Variants in ANK3 observed in about 807,000 individuals in gnomAD.
ANK3 encodes the protein ankyrin-3.
In ANK3, 57 loss-of-function variants were observed where a neutral mutation model predicts 370.9. That is an observed-to-expected ratio of 0.15 (90% CI 0.12 to 0.19). The LOEUF (loss-of-function observed/expected upper bound fraction) is 0.19. Among genes scored for constraint, ANK3 ranks in the 10% least tolerant of loss-of-function variants. The pLI, the probability that ANK3 is intolerant of heterozygous loss-of-function variation, is 1.00. For synonymous variants in ANK3, 1,929 were observed against 1,946.3 expected (o/e 0.99, Z 0.23); for missense variants, 4,439 against 5,302.1 (o/e 0.84, Z 5.06).
At chr10:60,288,091 A>T (rs1244724040) in intron 1 of ANK3, among the ~76,000 whole-genome samples, 1 of 152,102 alleles carries the variant, frequency 6.6e-6, no homozygotes, top group Non-Finnish European at 1.5e-5. Context: ...TTATTCCTCA[A>T]CTGCCCCCTA....
chr10:60,180,604 A>AAG (rs1441242858), intron 18 of ANK3, among the ~76,000 whole-genome samples: 1 of 131,676 alleles, frequency 7.6e-6, no homozygotes, highest in Non-Finnish European at 1.6e-5. Context: ...CAAAAAAAAA[A>AAG]AAAAAAAAAC....
At chr10:60,639,741 A>C (rs528375401) in intron 1 of ANK3, among the ~76,000 whole-genome samples, 3 of 152,066 alleles carry the variant, frequency 2.0e-5, no homozygotes, top group South Asian at 4.1e-4. Context: ...TAAGCTAATA[A>C]ATGAGATAAA....
At chr10:60,033,479 C>A (rs754084238) in intron 43 of ANK3, among the ~76,000 whole-genome samples, 1 of 137,402 alleles carries the variant, frequency 7.3e-6, no homozygotes, top group Non-Finnish European at 1.5e-5. Flanking sequence ...CGGGCCATCA[C>A]ACTCCAGCCT....
chr10:60,337,698 A>T (rs2053332356), intron 1 of ANK3, among the ~76,000 whole-genome samples: 1 of 152,176 alleles, frequency 6.6e-6, no homozygotes, highest in Non-Finnish European at 1.5e-5. Context: ...CTATCCATTA[A>T]GCCCCCTAAT....
At chr10:60,057,480 A>AAAAG (rs1291167491) in intron 41 of ANK3, among the ~76,000 whole-genome samples, 1 of 152,186 alleles carries the variant, frequency 6.6e-6, no homozygotes, top group Non-Finnish European at 1.5e-5. Context: ...ACTTATTTTT[A>AAAAG]AAAGACATCC....
At chr10:60,243,504 C>T (rs2097504688) in intron 7 of ANK3, among the ~76,000 whole-genome samples, 2 of 152,146 alleles carry the variant, frequency 1.3e-5, no homozygotes, top group African/African-American at 4.8e-5. Context: ...AGCCCCTCAA[C>T]CTTGGACTTC....
At chr10:60,576,688 C>A (rs549406209) in intron 2 of ANK3, among the ~76,000 whole-genome samples, 7 of 152,330 alleles carry the variant, frequency 4.6e-5, no homozygotes, top group African/African-American at 1.7e-4. Flanking sequence ...ACAGCATTCC[C>A]TTGATACCAT....
At chr10:60,704,235 T>C (rs994839651) in intron 1 of ANK3, among the ~76,000 whole-genome samples, 1 of 152,246 alleles carries the variant, frequency 6.6e-6, no homozygotes, top group African/African-American at 2.4e-5. Flanking sequence ...GCCTCCAAGA[T>C]GTTTTAAAGT....
In ANK3 at chr10:60,071,488, G is replaced by C. The variant is rs780210988; in HGVS notation, c.9393C>G (p.Thr3131=). Residue 3131 remains threonine, a synonymous_variant, in exon 37 of 44, where the codon ACC becomes ACG. Transcript: ENST00000280772. ...ECKTVQETRG[T]FYTTRQQKQP... ...GCTTTTGCTGTCTAGTTGTATAAAA[G>C]GTCCCCCTGGTTTCTTGTACTGTCT... 1.2e-6 allele frequency: 2 copies of C among 1,613,784 alleles called. No individual in the cohort carries two copies. The highest frequency in any genetic ancestry group is 1.7e-6 in the Non-Finnish European group (2 of 1,179,898).
intron 2 of ANK3, among the ~76,000 whole-genome samples, chr10:60,513,242 C>T (rs990588296): frequency 6.6e-6 from 1 of 152,114 alleles, no homozygotes; most frequent in Non-Finnish European, 1.5e-5. Flanking sequence ...AATAAAGACA[C>T]ATCTAGGTGT....
chr10:60,647,199 A>G (rs2078720567), intron 1 of ANK3, among the ~76,000 whole-genome samples: 1 of 152,224 alleles, frequency 6.6e-6, no homozygotes, highest in African/African-American at 2.4e-5. Context: ...GGTGTTAGCT[A>G]TGTGGTAGGC....
At chr10:60,043,563 AC>A in intron 42 of ANK3, 1 of 985,316 alleles carries the variant, frequency 1.0e-6, no homozygotes, top group Non-Finnish European at 1.2e-6. Context: ...AAAGAGGGGA[AC>A]CCCCTCCTCA....
In ANK3 at chr10:60,681,866, T is replaced by A. The variant is rs575513613; in HGVS notation, c.57+51397A>T. Among the ~76,000 whole-genome samples the A allele has an allele frequency of 5.9e-5, 9 of 152,188 alleles. No homozygotes were observed. The South Asian group carries it at 1.7e-3, about 28-fold the overall frequency. ...CTAGAAAATGCCCCTAAAAGATAAC[T>A]ACCAGCTGGACACAGTGGCTCACGC... is the stretch of plus-strand genomic sequence containing the variant. On this transcript the variant is annotated intron_variant, in intron 1 of 43. Coordinates refer to the ANK3 transcript ENST00000373827.
intron 2 of ANK3, among the ~76,000 whole-genome samples, chr10:60,420,616 T>C (rs1255539632): frequency 1.3e-5 from 2 of 152,074 alleles, no homozygotes; most frequent in South Asian, 4.1e-4. Flanking sequence ...TAGGACAGTA[T>C]TGTGCCTTGA....
In ANK3 at chr10:60,072,262, T is replaced by G. The variant is rs1240300466; in HGVS notation, c.8619A>C (p.Val2873=). 1.9e-6 allele frequency: 3 copies of G among 1,614,130 alleles called. No individual in the cohort carries two copies. The highest frequency in any genetic ancestry group is 1.3e-5 in the African/African-American group (1 of 75,052). Residue 2873 remains valine (V), a synonymous_variant, in exon 37 of 44, where the codon GTA becomes GTC. Transcript: ENST00000280772. ...NKSQKEKLSH[V]LVHDVRENHI... Reference sequence around the variant, plus strand: ...GATTCTCTCTTACATCATGAACAAGTACATGCGAAAGTTTTTCTTTCTGAG... The same window carrying G: ...GATTCTCTCTTACATCATGAACAAGGACATGCGAAAGTTTTTCTTTCTGAG...
intron 2 of ANK3, among the ~76,000 whole-genome samples, chr10:60,571,905 T>C (rs1416810877): frequency 4.6e-5 from 7 of 152,182 alleles, no homozygotes; most frequent in Admixed American, 3.9e-4. Context: ...TTTTGGATTA[T>C]AATAGACAAA....
chr10:60,045,410 A>C (rs766777491), intron 42 of ANK3, among the ~76,000 whole-genome samples: 1 of 152,228 alleles, frequency 6.6e-6, no homozygotes, highest in Non-Finnish European at 1.5e-5. Flanking sequence ...AGATGGCTCC[A>C]TAGTATCTCT....
In ANK3 at chr10:60,279,530, C is replaced by T; in HGVS notation, c.216+8G>A. 1 of 1,599,788 alleles carries T rather than the reference C, an allele frequency of 6.3e-7. No individual in the cohort carries two copies. ...TAAGTAAAAAATTCAATAATAACTC[C>T]AGCTAACCTGATTGCAAATGTTGAT... On this transcript the variant is annotated splice_region_variant and intron_variant, in intron 2 of 43. Transcript: ENST00000280772.
chr10:60,158,685 C>CTTTCTTTTTTT (rs1555028778), intron 23 of ANK3, among the ~76,000 whole-genome samples: 9 of 132,756 alleles, frequency 6.8e-5, no homozygotes, highest in South Asian at 2.4e-4. Context: ...CACTTTTTTT[C>CTTTCTTTTTTT]TTTTTTTTGA....
Sources: allele counts gnomAD v4.1 joint callset (sites outside exome capture counted in the v4.1 genomes callset), GRCh38; gene constraint gnomAD v4.1.1; transcripts MANE v1.5; gene names NCBI Gene and HGNC (gene_info 2026-07-23, HGNC 2026-07-21).